Variants in OPCML observed in about 807,000 individuals in gnomAD.
The protein encoded by OPCML is opioid-binding protein/cell adhesion molecule.
Under a neutral mutation model 37.8 loss-of-function variants are expected in OPCML, and 13 were observed. The ratio of observed to expected loss-of-function variants is 0.34; its 90% CI spans 0.22 to 0.55. The LOEUF (loss-of-function observed/expected upper bound fraction) is 0.55, where lower values mean the gene tolerates loss of function less well. OPCML is among the 20% of genes least tolerant of loss of function. The probability of loss-of-function intolerance (pLI) is 0.91; values close to 1 mark genes in which losing one functional copy is unlikely to be tolerated. For missense variants in OPCML, 341 were observed against 435.6 expected (o/e 0.78, Z 1.93); for synonymous variants, 176 against 168.8 (o/e 1.04, Z -0.33).
At chr11:133,502,568 A>T (rs999601847) in intron 1 of OPCML, among the ~76,000 whole-genome samples, 2 of 152,116 alleles carry the variant, frequency 1.3e-5, no homozygotes, top group Non-Finnish European at 2.9e-5. Flanking sequence ...CTAAACATAT[A>T]CCTGTACAGG....
At chr11:132,427,038 G>T (rs1306533336) in intron 7 of OPCML, among the ~76,000 whole-genome samples, 1 of 152,124 alleles carries the variant, frequency 6.6e-6, no homozygotes, top group African/African-American at 2.4e-5. Flanking sequence ...ATGTGTCACT[G>T]GTTTTCCTTT....
chr11:132,724,422 A>C (rs1299424674), intron 2 of OPCML, among the ~76,000 whole-genome samples: 1 of 152,176 alleles, frequency 6.6e-6, no homozygotes, highest in Non-Finnish European at 1.5e-5. Context: ...CACAATCACG[A>C]GAACAGCATG....
intron 1 of OPCML, among the ~76,000 whole-genome samples, chr11:133,416,537 CCTGTTGTTTTAGCAT>C (rs528000945): frequency 6.8e-4 from 104 of 152,290 alleles, no homozygotes; most frequent in African/African-American, 2.5e-3. Flanking sequence ...TGCTCCTAAT[CCTGTTGTTTTAGCAT>C]CTGTCAGGTG....
intron 1 of OPCML, among the ~76,000 whole-genome samples, chr11:133,108,141 C>G (rs1423497019): frequency 6.6e-6 from 1 of 152,116 alleles, no homozygotes; most frequent in African/African-American, 2.4e-5. Context: ...AAGAAATAAG[C>G]CTTGGAAAAG....
At chr11:133,152,888 T>A (rs1430399946) in intron 1 of OPCML, among the ~76,000 whole-genome samples, 18 of 148,162 alleles carry the variant, frequency 1.2e-4, no homozygotes, top group South Asian at 6.4e-4. Flanking sequence ...TTTTTTTTTT[T>A]ATCATCATTT....
chr11:132,566,287 C>T lies in OPCML; in HGVS notation c.380-37101G>A, dbSNP rs113890344. On this transcript the variant is annotated intron_variant, in intron 3 of 7. Coordinates refer to ENST00000524381, the MANE Select transcript of OPCML (RefSeq NM_001012393.5). Reference sequence around the variant, plus strand: ...TGTTGTATATGTATAATTAAGGAAGCTAGAGCATCTAATGCAGGGCTTGAA... The same window carrying T: ...TGTTGTATATGTATAATTAAGGAAGTTAGAGCATCTAATGCAGGGCTTGAA... 5.1e-3 allele frequency among the ~76,000 whole-genome samples: 783 copies of T among 152,296 alleles called. 3 individuals are homozygous for T. The highest frequency in any genetic ancestry group is 0.027 in the Middle Eastern group (8 of 294).
At chr11:132,892,984 T>C (rs1184595227) in intron 2 of OPCML, among the ~76,000 whole-genome samples, 2 of 152,174 alleles carry the variant, frequency 1.3e-5, no homozygotes, top group Non-Finnish European at 2.9e-5. Context: ...ACTTCTATTA[T>C]ACAAAGGTTG....
At chr11:133,063,504 T>C (rs1353214642) in intron 1 of OPCML, among the ~76,000 whole-genome samples, 4 of 152,118 alleles carry the variant, frequency 2.6e-5, no homozygotes, top group Non-Finnish European at 4.4e-5. Flanking sequence ...CTTTGGGTCC[T>C]ATTAATCTGC....
chr11:132,911,665 C>T (rs1228589930), intron 2 of OPCML, among the ~76,000 whole-genome samples: 1 of 152,170 alleles, frequency 6.6e-6, no homozygotes, highest in Non-Finnish European at 1.5e-5. Flanking sequence ...GACCCTTCTC[C>T]TCTGTCCTCA....
chr11:133,470,611 C>A (rs1247003223), intron 1 of OPCML, among the ~76,000 whole-genome samples: 1 of 152,226 alleles, frequency 6.6e-6, no homozygotes, highest in Non-Finnish European at 1.5e-5. Context: ...GGAAACCCAG[C>A]AGAATGCTGT....
At chr11:132,438,309 G>A (rs1361757712) in intron 4 of OPCML, among the ~76,000 whole-genome samples, 1 of 152,192 alleles carries the variant, frequency 6.6e-6, no homozygotes, top group African/African-American at 2.4e-5. Flanking sequence ...CCAAGATAAA[G>A]CCCAAGGATA....
At chr11:133,047,290 C>T (rs919269079) in intron 1 of OPCML, among the ~76,000 whole-genome samples, 21 of 152,262 alleles carry the variant, frequency 1.4e-4, no homozygotes, top group Non-Finnish European at 7.3e-5. Context: ...CCTCTGAGTT[C>T]ATTCAGACAG....
chr11:132,828,581 T>G (rs1940503622), intron 2 of OPCML, among the ~76,000 whole-genome samples: 1 of 152,032 alleles, frequency 6.6e-6, no homozygotes, highest in South Asian at 2.1e-4. Flanking sequence ...TTTAAAACAA[T>G]ACTCCATGAA....
chr11:132,982,979 A>G (rs1178826980), intron 1 of OPCML, among the ~76,000 whole-genome samples: 1 of 152,168 alleles, frequency 6.6e-6, no homozygotes, highest in African/African-American at 2.4e-5. Flanking sequence ...GCTTATTTGC[A>G]TAACAATTAC....
Position 133,055,043 on chromosome 11 carries a change from T to C in OPCML, c.62-112033A>G, listed in dbSNP as rs867697407. On this transcript the variant is annotated intron_variant, in intron 1 of 7. Coordinates refer to ENST00000524381, the MANE Select transcript of OPCML (RefSeq NM_001012393.5). Reference sequence around the variant, plus strand: ...GACTCCATGAGGGAGCCACCTCTACTGTACAATGCTGCCTCCATGATACTT... The same window carrying C: ...GACTCCATGAGGGAGCCACCTCTACCGTACAATGCTGCCTCCATGATACTT... Among the ~76,000 whole-genome samples, 993 of 140,902 alleles carry C rather than the reference T, an allele frequency of 7.0e-3. 21 individuals are homozygous for C. Among genetic ancestry groups the C allele is most frequent in the African/African-American group, 0.025 (936 of 37,074 alleles). The allele number at this position is 140,902 out of a possible 152,430, so 92.4% of individuals were successfully genotyped here.
At chr11:132,881,294 G>A (rs1943214242) in intron 2 of OPCML, among the ~76,000 whole-genome samples, 1 of 152,234 alleles carries the variant, frequency 6.6e-6, no homozygotes, top group Admixed American at 6.5e-5. Flanking sequence ...ATTGGAGTCT[G>A]GGGTTCCAGA....
intron 3 of OPCML, among the ~76,000 whole-genome samples, chr11:132,545,034 T>C (rs931102543): frequency 6.6e-6 from 1 of 152,234 alleles, no homozygotes; most frequent in African/African-American, 2.4e-5. Flanking sequence ...ATAATACTTT[T>C]AATTGTTTCA....
intron 1 of OPCML, among the ~76,000 whole-genome samples, chr11:133,391,419 G>A (rs1945171676): frequency 6.6e-6 from 1 of 152,110 alleles, no homozygotes; most frequent in South Asian, 2.1e-4. Flanking sequence ...TTTGTCAGTA[G>A]CTGTCCTCCA....
intron 3 of OPCML, among the ~76,000 whole-genome samples, chr11:132,582,764 G>A (rs12222850): frequency 0.25 from 37,812 of 151,066 alleles, 5,673 homozygotes; most frequent in East Asian, 0.65. Context: ...AGAGGTAATC[G>A]TTCAGTCATG....
Sources: gnomAD v4.1 joint callset for allele counts (sites outside exome capture counted in the v4.1 genomes callset) on GRCh38, gnomAD v4.1.1 for gene constraint, MANE v1.5 for transcripts, NCBI Gene and HGNC (gene_info 2026-07-23, HGNC 2026-07-21) for gene names.